Variants in ZNF829 observed in about 807,000 individuals in gnomAD.
ZNF829 encodes the protein zinc finger protein 829.
A neutral mutation model predicts 35.2 loss-of-function variants in ZNF829; 25 were observed. That is an observed-to-expected ratio of 0.71 (90% confidence interval 0.52 to 0.99). ZNF829 has a LOEUF of 0.99. Among genes scored for constraint, ZNF829 ranks in the 50% least tolerant of loss-of-function variants. The pLI is 0.00. For missense variants in ZNF829, 417 were observed against 515.3 expected (o/e 0.81, Z 1.85); for synonymous variants, 136 against 163.2 (o/e 0.83, Z 1.27).
At chr19:36,900,148 ACACACACACACACACACAC>A (rs2073151751) in intron 5 of ZNF829, among the ~76,000 whole-genome samples, 7 of 16,712 alleles carry the variant, frequency 4.2e-4, no homozygotes, top group African/African-American at 6.4e-4. Context: ...TCTACTAAAC[ACACACACACACACACACAC>A]ACACACACAC....
chr19:36,913,587 C>T (rs11084868), intron 3 of ZNF829, among the ~76,000 whole-genome samples: 27,177 of 151,808 alleles, frequency 0.18, 3,084 homozygotes, highest in African/African-American at 0.31. Flanking sequence ...AGTATCAACT[C>T]TAAAAACCAA....
chr19:36,909,764 G>A (rs1278922583), intron 3 of ZNF829, among the ~76,000 whole-genome samples: 3 of 150,344 alleles, frequency 2.0e-5, no homozygotes, highest in South Asian at 2.1e-4. Flanking sequence ...CCAAGATTGC[G>A]CCACTGCACT....
In ZNF829 at chr19:36,902,193, C is replaced by T. The variant is rs1225049255; in HGVS notation, c.319+5736G>A. 4 of 217,002 alleles carry T rather than the reference C, an allele frequency of 1.8e-5. No homozygotes were observed. In the East Asian group the frequency reaches 3.8e-4, roughly 21 times the overall value. 13.4% of individuals were successfully genotyped at this position (217,002 alleles called of 1,614,324 possible). On this transcript the variant is annotated intron_variant, in intron 5 of 5. Transcript: ENST00000391711. ...AGAAAAAAAAAAACAAGTACCCCCCCGCACCCCGCAAAAATAACCCCACAA... is the reference window on the plus strand; with the variant it reads ...AGAAAAAAAAAAACAAGTACCCCCCTGCACCCCGCAAAAATAACCCCACAA...
At chr19:36,910,915 G>C (rs868849898) in intron 3 of ZNF829, among the ~76,000 whole-genome samples, 2 of 152,172 alleles carry the variant, frequency 1.3e-5, no homozygotes, top group African/African-American at 4.8e-5. Context: ...GCCAAGGCAG[G>C]AGAATTGCTT....
At chr19:36,906,917 T>A (rs1008866456) in intron 5 of ZNF829, 1 of 151,610 alleles carries the variant, frequency 6.6e-6, no homozygotes, top group African/African-American at 2.4e-5. Context: ...TGAAACCCTG[T>A]CTCTACTAAA....
At chr19:36,901,821 T>G in intron 5 of ZNF829, 1 of 697,880 alleles carries the variant, frequency 1.4e-6, no homozygotes, top group Non-Finnish European at 2.7e-6. Context: ...GAATACACCA[T>G]CAGTATGCAC....
chr19:36,905,462 A>C (rs1018596224), intron 5 of ZNF829: 1 of 151,254 alleles, frequency 6.6e-6, no homozygotes, highest in Non-Finnish European at 1.5e-5. Flanking sequence ...TGTGAGACCA[A>C]GTTTTGCTCT....
Position 36,892,867 on chromosome 19 carries a change from C to G in ZNF829, c.320-396G>C, listed in dbSNP as rs1320397097. ...CCCAGCTCTGTGTCTCCTCGTCGTA[C>G]AGCTTGTGGAGCTCCGACTGCAAGG... On this transcript the variant is annotated intron_variant, in intron 5 of 5. Coordinates refer to ENST00000391711, the MANE Select transcript of ZNF829 (RefSeq NM_001037232.4). 3.9e-5 allele frequency: 45 copies of G among 1,154,374 alleles called. No individual in the cohort carries two copies. In the Admixed American group the frequency reaches 1.8e-3, roughly 47 times the overall value. 71.5% of individuals were successfully genotyped at this position (1,154,374 alleles called of 1,614,324 possible).
At chr19:36,901,825 T>A in intron 5 of ZNF829, 1 of 707,608 alleles carries the variant, frequency 1.4e-6, no homozygotes. Flanking sequence ...ACACCATCAG[T>A]ATGCACAAGC....
chr19:36,895,673 T>C (rs2073105078), intron 5 of ZNF829, among the ~76,000 whole-genome samples: 1 of 151,654 alleles, frequency 6.6e-6, no homozygotes, highest in African/African-American at 2.4e-5. Flanking sequence ...AAAAAAATAC[T>C]GCACACAAAC....
intron 5 of ZNF829, chr19:36,905,745 A>T (rs1202172960): frequency 6.6e-6 from 1 of 152,182 alleles, no homozygotes; most frequent in East Asian, 1.9e-4. Flanking sequence ...GCCTAATACT[A>T]AAATTTACAA....
At chr19:36,903,547 C>A (rs553187053) in intron 5 of ZNF829, among the ~76,000 whole-genome samples, 2 of 152,196 alleles carry the variant, frequency 1.3e-5, no homozygotes, top group Admixed American at 1.3e-4. Flanking sequence ...GTAGTTGAGA[C>A]TATCTGGGAA....
At position 36,892,023 on chromosome 19, in the gene ZNF829, A is replaced by G; in HGVS notation, c.768T>C (p.Asn256=). The change falls in exon 6 of 6, where the codon AAT becomes AAC. Residue 256 remains asparagine (N), a synonymous_variant. Transcript: ENST00000391711. ...CACCAGTGTGAATTCTCTGATGATC[A>G]TTAAGGTTTGAGCAATACTTAAAGG... The part of the protein sequence containing the change: ...GKAFKYCSNL[N]DHQRIHTGEK... 1 of 1,613,906 alleles carries G rather than the reference A, an allele frequency of 6.2e-7. No homozygotes were observed.
At chr19:36,904,567 T>C (rs2073199852) in intron 5 of ZNF829, among the ~76,000 whole-genome samples, 1 of 152,008 alleles carries the variant, frequency 6.6e-6, no homozygotes, top group Non-Finnish European at 1.5e-5. Flanking sequence ...GCCCGGTTAA[T>C]TTTTGTATTT....
At chr19:36,913,977 T>C (rs1347934577) in intron 3 of ZNF829, among the ~76,000 whole-genome samples, 1 of 152,176 alleles carries the variant, frequency 6.6e-6, no homozygotes, top group Admixed American at 6.5e-5. Context: ...CTAGGTATAT[T>C]TGAAGACCAA....
chr19:36,891,535 C>A lies in ZNF829; in HGVS notation c.1256G>T (p.Ser419Ile). The A allele has an allele frequency of 1.3e-6, 2 of 1,599,228 alleles. No individual in the cohort carries two copies. The highest frequency in any genetic ancestry group is 1.7e-6 in the Non-Finnish European group (2 of 1,174,154). Residue 419 changes from serine to isoleucine, a missense_variant, in exon 6 of 6, where the codon AGT (serine) becomes ATT (isoleucine). Ser to Ile is a moderately radical substitution (Grantham distance 142, BLOSUM62 -2). Coordinates refer to ENST00000391711, the MANE Select transcript of ZNF829 (RefSeq NM_001037232.4). Reference sequence around the variant, plus strand: ...CTCATGGCGAATGAGGTCAGAGCGACTACCAAAAGCCTTTCCACATTCCTT... The same window carrying A: ...CTCATGGCGAATGAGGTCAGAGCGAATACCAAAAGCCTTTCCACATTCCTT... ...DCKECGKAFGSRSDLIRHEGI... is the reference protein window; with the variant it reads ...DCKECGKAFGIRSDLIRHEGI...
At chr19:36,915,918 G>C (rs1262250943) in intron 1 of ZNF829, 93 bp downstream of exon 1, 4 of 1,536,006 alleles carry the variant, frequency 2.6e-6, no homozygotes, top group South Asian at 1.2e-5. Context: ...GCTCCCCATC[G>C]GTCTTCGGTA....
rs1177092290 is a variant in ZNF829 at position 36,891,952 on chromosome 19, CT to C, written c.838del (p.Ser280ValfsTer8). ...TCTCAGATGTAGAAAAAGTTGTGAA[CT>C]TTTAGTAAAGGCTTTTCCACATACT... ...CKVCGKAFTK[S>X]SQLFLHLRIH... is the part of the protein sequence containing the mutation. On this transcript the variant is annotated frameshift_variant, in exon 6 of 6. Transcript: ENST00000391711. LOFTEE classifies it high-confidence loss of function. 1.2e-6 allele frequency: 2 copies of C among 1,613,804 alleles called. No homozygotes were observed. The highest frequency in any genetic ancestry group is 1.7e-6 in the Non-Finnish European group (2 of 1,179,992).
At chr19:36,915,448 G>C (rs1357289549) in intron 1 of ZNF829, among the ~76,000 whole-genome samples, 197 bp from the exon 2 acceptor site, 1 of 151,958 alleles carries the variant, frequency 6.6e-6, no homozygotes, top group Non-Finnish European at 1.5e-5. Flanking sequence ...CTGCACAATC[G>C]TAGGCACCCC....
Sources: gnomAD v4.1 joint callset for allele counts (sites outside exome capture counted in the v4.1 genomes callset) on GRCh38, gnomAD v4.1.1 for gene constraint, MANE v1.5 for transcripts, NCBI Gene and HGNC (gene_info 2026-07-23, HGNC 2026-07-21) for gene names.